The following EXOC4 variants were observed in gnomAD, a reference collection of about 807,000 sequenced individuals.
EXOC4 encodes the protein exocyst complex component 4.
In EXOC4, 71 loss-of-function variants were observed where a neutral mutation model predicts 107.2. That is an observed-to-expected ratio of 0.66 (90% CI 0.55 to 0.81). The LOEUF (loss-of-function observed/expected upper bound fraction) is 0.81, where lower values mean the gene tolerates loss of function less well. EXOC4 is among the 30% of genes least tolerant of loss of function. The pLI, the probability that EXOC4 is intolerant of heterozygous loss-of-function variation, is 0.00. For synonymous variants in EXOC4, 456 were observed against 441.2 expected (o/e 1.03, Z -0.42); for missense variants, 1,108 against 1,189.6 (o/e 0.93, Z 1.01).
chr7:134,033,855 A>G (rs1795326580), intron 17 of EXOC4, among the ~76,000 whole-genome samples: 1 of 152,236 alleles, frequency 6.6e-6, no homozygotes, highest in Admixed American at 6.5e-5. Context: ...CTAAGAAATA[A>G]TGAAGCATTC....
Position 133,480,083 on chromosome 7 carries a change from C to A in EXOC4, c.1362C>A (p.Ser454Arg). Residue 454 changes from serine (S) to arginine (R), a missense_variant, in exon 9 of 18, where the codon AGC becomes AGA. Physicochemically the swap from Ser to Arg is moderately radical, Grantham distance 110 (BLOSUM62 -1). Transcript: ENST00000253861. ...CGTCCTCCCATGCCATCAGTATGAG[C>A]GCCTATCTGCGAGAACAGAGAAGGG... ...FESSSHAISMSAYLREQRREL... is the reference protein window; with the variant it reads ...FESSSHAISMRAYLREQRREL... 6.2e-7 allele frequency: 1 copy of A among 1,613,962 alleles called. No homozygotes were observed. The highest frequency in any genetic ancestry group is 1.1e-5 in the South Asian group (1 of 91,078).
At chr7:133,669,605 T>A (rs980516383) in intron 10 of EXOC4, among the ~76,000 whole-genome samples, 1 of 152,024 alleles carries the variant, frequency 6.6e-6, no homozygotes, top group East Asian at 1.9e-4. Context: ...GTGTTTAACA[T>A]GTGAGAAGAT....
the EXOC4 span, among the ~76,000 whole-genome samples, chr7:134,075,429 C>T: frequency 1.6e-4 from 25 of 152,226 alleles, no homozygotes; most frequent in Middle Eastern, 3.4e-3. Flanking sequence ...CTCACAGTTC[C>T]GCATGGCTTG....
At chr7:133,326,502 A>T (rs879099122) in intron 5 of EXOC4, among the ~76,000 whole-genome samples, 2 of 152,214 alleles carry the variant, frequency 1.3e-5, no homozygotes, top group Non-Finnish European at 2.9e-5. Flanking sequence ...GGGTATCAGC[A>T]GCAGAGGCTG....
At chr7:133,278,961 C>T (rs1794065085) in intron 2 of EXOC4, among the ~76,000 whole-genome samples, 1 of 151,414 alleles carries the variant, frequency 6.6e-6, no homozygotes, top group South Asian at 2.1e-4. Flanking sequence ...TAATGCTATC[C>T]CTCCCCACTC....
At chr7:133,973,641 G>C (rs1411658043) in intron 14 of EXOC4, among the ~76,000 whole-genome samples, 2 of 152,216 alleles carry the variant, frequency 1.3e-5, no homozygotes, top group Non-Finnish European at 2.9e-5. Context: ...GACATGATCA[G>C]ATGGTGTTTT....
chr7:133,626,010 T>C (rs1802444553), intron 9 of EXOC4, among the ~76,000 whole-genome samples: 1 of 152,046 alleles, frequency 6.6e-6, no homozygotes. Flanking sequence ...AGTTTGAGAC[T>C]AGCCTGGCCA....
intron 17 of EXOC4, among the ~76,000 whole-genome samples, chr7:134,036,895 TAG>T (rs930957035): frequency 7.9e-5 from 12 of 152,154 alleles, no homozygotes; most frequent in Non-Finnish European, 1.5e-4. Flanking sequence ...ACCTATAAAA[TAG>T]AGATGATTTC....
chr7:133,433,793 A>C (rs1384061010), intron 7 of EXOC4, among the ~76,000 whole-genome samples: 2 of 152,290 alleles, frequency 1.3e-5, no homozygotes, highest in South Asian at 2.1e-4. Context: ...TCAGGATTGA[A>C]AGCTCACTTT....
intron 7 of EXOC4, among the ~76,000 whole-genome samples, chr7:133,422,727 T>G (rs1721225684): frequency 6.6e-6 from 1 of 152,184 alleles, no homozygotes; most frequent in South Asian, 2.1e-4. Context: ...GGAAAATCCC[T>G]TGGGGATTTG....
chr7:133,638,073 ATTTT>A (rs1802756591), intron 10 of EXOC4, among the ~76,000 whole-genome samples: 1 of 152,080 alleles, frequency 6.6e-6, no homozygotes, highest in Non-Finnish European at 1.5e-5. Context: ...GAAACAGAAG[ATTTT>A]TTATCTATTT....
At chr7:133,257,021 CTTAA>C (rs1177184422) in intron 1 of EXOC4, among the ~76,000 whole-genome samples, 1 of 152,158 alleles carries the variant, frequency 6.6e-6, no homozygotes, top group African/African-American at 2.4e-5. Flanking sequence ...AATAAAAATG[CTTAA>C]TTATTTAAAA....
chr7:133,457,675 G>C (rs971596399), intron 7 of EXOC4, among the ~76,000 whole-genome samples: 3 of 152,096 alleles, frequency 2.0e-5, no homozygotes, highest in Non-Finnish European at 2.9e-5. Context: ...GGACTCTGCC[G>C]GAAGGACTTC....
chr7:134,089,102 T>C, the EXOC4 span, among the ~76,000 whole-genome samples: 1 of 152,302 alleles, frequency 6.6e-6, no homozygotes, highest in Admixed American at 6.5e-5. Context: ...AAAAACCTGT[T>C]GTCCTTTTAT....
intron 10 of EXOC4, among the ~76,000 whole-genome samples, chr7:133,641,115 C>T (rs1288724909): frequency 2.6e-5 from 4 of 152,196 alleles, no homozygotes; most frequent in Middle Eastern, 6.8e-3. Flanking sequence ...TAGCCAAGAA[C>T]CAGATGCAGA....
At chr7:133,387,116 A>G (rs1025985121) in intron 7 of EXOC4, among the ~76,000 whole-genome samples, 3 of 152,188 alleles carry the variant, frequency 2.0e-5, no homozygotes, top group African/African-American at 7.2e-5. Context: ...AGCATGCTTC[A>G]GTAGGATTCT....
At chr7:133,879,127 A>G (rs11487003) in intron 11 of EXOC4, among the ~76,000 whole-genome samples, 21,494 of 152,138 alleles carry the variant, frequency 0.14, 1,746 homozygotes, top group African/African-American at 0.2. Flanking sequence ...TTTTTGAGAC[A>G]GAGTGTCGCT....
chr7:133,772,785 T>C (rs1276695181), intron 10 of EXOC4, among the ~76,000 whole-genome samples: 2 of 152,032 alleles, frequency 1.3e-5, no homozygotes, highest in African/African-American at 4.8e-5. Flanking sequence ...TTTGCCAAGA[T>C]TGTGCAGTTT....
At chr7:133,889,513 C>T (rs1249008566) in intron 11 of EXOC4, among the ~76,000 whole-genome samples, 4 of 144,938 alleles carry the variant, frequency 2.8e-5, no homozygotes, top group Non-Finnish European at 6.0e-5. Context: ...TGCTGGTGCG[C>T]TGCACCCACT....
Sources: gnomAD v4.1 joint callset for allele counts (sites outside exome capture counted in the v4.1 genomes callset) on GRCh38, gnomAD v4.1.1 for gene constraint, MANE v1.5 for transcripts, NCBI Gene and HGNC (gene_info 2026-07-23, HGNC 2026-07-21) for gene names.